EPC1: variants seen among roughly 807,000 people sequenced by gnomAD.
EPC1 encodes the protein enhancer of polycomb 1.
EPC1 carries 12 observed loss-of-function variants against 98.4 expected under a neutral mutation model. That is an observed-to-expected ratio of 0.12 (90% CI 0.08 to 0.20). EPC1 has a LOEUF of 0.20. Ranked by LOEUF, EPC1 falls within the 10% of genes least tolerant of loss-of-function variation. EPC1 has a pLI of 1.00. For missense variants in EPC1, 729 were observed against 990.5 expected, an observed-to-expected ratio of 0.74 and a Z score of 3.54; for synonymous variants, 357 against 363.9, an observed-to-expected ratio of 0.98 and a Z score of 0.21.
intron 10 of EPC1, among the ~76,000 whole-genome samples, chr10:32,280,606 G>A (rs1836360090): frequency 6.6e-6 from 1 of 152,134 alleles, no homozygotes; most frequent in African/African-American, 2.4e-5. Flanking sequence ...AGGCATGGTG[G>A]CGGGTGCCTG....
chr10:32,271,405 GAATA>G, intron 13 of EPC1, 145 bp downstream of exon 13: 1 of 917,264 alleles, frequency 1.1e-6, no homozygotes, highest in East Asian at 2.5e-5. Flanking sequence ...TTTAGTTCTT[GAATA>G]AATAAGTGAT....
chr10:32,312,205 C>G (rs954606855), intron 1 of EPC1, among the ~76,000 whole-genome samples: 1 of 152,112 alleles, frequency 6.6e-6, no homozygotes, highest in Admixed American at 6.6e-5. Context: ...TCTTAGGGGT[C>G]GTGTCAAGGA....
intron 1 of EPC1, among the ~76,000 whole-genome samples, chr10:32,377,878 A>C (rs1839901437): frequency 6.6e-6 from 1 of 152,236 alleles, no homozygotes; most frequent in Non-Finnish European, 1.5e-5. Flanking sequence ...GAGAAAAACA[A>C]GATAGACCTG....
chr10:32,354,199 G>A (rs1402849661), intron 1 of EPC1, among the ~76,000 whole-genome samples: 2 of 152,106 alleles, frequency 1.3e-5, no homozygotes, highest in Non-Finnish European at 2.9e-5. Context: ...TTAGCAAACA[G>A]TAGCAGGATG....
intron 1 of EPC1, among the ~76,000 whole-genome samples, chr10:32,313,394 G>A (rs967050353): frequency 6.6e-6 from 1 of 152,060 alleles, no homozygotes; most frequent in Admixed American, 6.6e-5. Context: ...CACTGCAGAG[G>A]TTACACTCTA....
chr10:32,333,326 C>T (rs112708176), intron 1 of EPC1, among the ~76,000 whole-genome samples: 48 of 152,196 alleles, frequency 3.2e-4, no homozygotes, highest in African/African-American at 9.6e-4. Context: ...AGTGAGACTT[C>T]GTCTCAAAAA....
intron 1 of EPC1, among the ~76,000 whole-genome samples, chr10:32,333,895 A>T (rs1360441278): frequency 6.6e-5 from 10 of 152,260 alleles, no homozygotes; most frequent in Non-Finnish European, 1.3e-4. Flanking sequence ...ACAAAGTTTT[A>T]AAAAATACTT....
chr10:32,276,782 C>T (rs560956084), intron 10 of EPC1, among the ~76,000 whole-genome samples: 1 of 152,302 alleles, frequency 6.6e-6, no homozygotes, highest in Non-Finnish European at 1.5e-5. Context: ...ACCATGCTCA[C>T]CCTCTCTAAA....
At chr10:32,352,240 G>A in intron 1 of EPC1, among the ~76,000 whole-genome samples, 1 of 150,072 alleles carries the variant, frequency 6.7e-6, no homozygotes, top group East Asian at 2.0e-4. Context: ...GTAGAGATGG[G>A]GTTTCACTGT....
At chr10:32,331,725 CAT>C (rs939935157) in intron 1 of EPC1, among the ~76,000 whole-genome samples, 39 of 152,314 alleles carry the variant, frequency 2.6e-4, no homozygotes, top group Admixed American at 2.4e-3. Context: ...CAAGATAAGA[CAT>C]GTTTGTAAAT....
rs988246422 is a variant in EPC1, at chr10:32,286,828, T to C, written c.1257A>G (p.Gln419=). 2.5e-6 allele frequency: 4 copies of C among 1,613,648 alleles called. No individual in the cohort carries two copies. Among genetic ancestry groups the C allele is most frequent in the Admixed American group, 3.3e-5 (2 of 59,878 alleles). The change falls in exon 9 of 14, where the codon CAA becomes CAG. Residue 419 remains glutamine, a synonymous_variant. Transcript: ENST00000319778. ...GACTAGTCCAAGGCCAGTTGCCAGT[T>C]TGGTCTAAGTGAGGCTTAAAAAAAA... The part of the protein sequence containing the change: ...GCQYYAPHLD[Q]TGNWPWTSPK...
chr10:32,335,290 T>A (rs1380806105), intron 1 of EPC1, among the ~76,000 whole-genome samples: 1 of 152,160 alleles, frequency 6.6e-6, no homozygotes, highest in Non-Finnish European at 1.5e-5. Flanking sequence ...CTAATCTCAG[T>A]GTCTCCTAAT....
chr10:32,283,483 A>AT (rs1176402687), intron 10 of EPC1: 8 of 152,064 alleles, frequency 5.3e-5, no homozygotes, highest in Non-Finnish European at 7.3e-5. Flanking sequence ...GAATTTCTGC[A>AT]TTTTTTGTAG....
intron 9 of EPC1, 195 bp from the exon 10 acceptor site, chr10:32,285,245 A>T: frequency 2.1e-6 from 1 of 467,536 alleles, no homozygotes; most frequent in Non-Finnish European, 3.7e-6. Context: ...CTTTTAACAA[A>T]TTGTTTTTCA....
Position 32,286,746 on chromosome 10 carries a change from C to T in EPC1, c.1339G>A (p.Val447Ile), listed in dbSNP as rs62619977. 7,697 of 1,614,030 alleles carry T rather than the reference C, an allele frequency of 4.8e-3. 32 individuals are homozygous for T. The highest frequency in any genetic ancestry group is 5.9e-3 in the Non-Finnish European group (6,948 of 1,179,986). The stretch of plus-strand genomic sequence containing the variant: ...GCAAATCCAATACACCTTTGGGGTA[C>T]GGTGAGAGTAGTTAAGCAGTATCTA... Reference protein sequence around the residue: ...RYRYCLTTLTVPQRCIGFARR... With the variant: ...RYRYCLTTLTIPQRCIGFARR... Residue 447 changes from valine to isoleucine, a missense_variant, in exon 9 of 14, where the codon GTA becomes ATA. Around this residue, in one of 6 missense-constraint regions of EPC1, gnomAD observed 390 missense variants for 438.6 expected, o/e 0.89. Transcript: ENST00000319778.
chr10:32,374,342 CA>C (rs1564571160), intron 1 of EPC1: 1 of 151,878 alleles, frequency 6.6e-6, no homozygotes, highest in African/African-American at 2.4e-5. Flanking sequence ...ACACCGTGAA[CA>C]AAATGTGCAA....
intron 9 of EPC1, 76 bp from the exon 10 acceptor site, chr10:32,285,126 A>AC (rs1438081894): frequency 4.2e-6 from 5 of 1,197,774 alleles, no homozygotes; most frequent in Non-Finnish European, 5.8e-6. Context: ...TTTTCTTTTT[A>AC]CCCCCAACTG....
chr10:32,271,637 T>C lies in EPC1; in HGVS notation c.2286A>G (p.Pro762=), dbSNP rs367547646. ...CAGCGGCCAGCTTTAAGGCAGATGATGGAACAGCACTTAAAGTCCTAGGTA... is the reference window on the plus strand; with the variant it reads ...CAGCGGCCAGCTTTAAGGCAGATGACGGAACAGCACTTAAAGTCCTAGGTA... ...RHIPRTLSAV[P]SSALKLAAAA... Residue 762 remains proline, a synonymous_variant, in exon 13 of 14, where the codon CCA becomes CCG. Transcript: ENST00000319778. 12 of 1,614,080 alleles carry C rather than the reference T, an allele frequency of 7.4e-6. No homozygotes were observed. In the African/African-American group the frequency reaches 8.0e-5, roughly 11 times the overall value.
intron 13 of EPC1, 163 bp from the exon 14 acceptor site, chr10:32,269,298 C>G: frequency 3.5e-6 from 2 of 567,490 alleles, no homozygotes; most frequent in Admixed American, 3.1e-5. Flanking sequence ...AGTTTATTAT[C>G]AGAAATCAGG....
Sources: gnomAD v4.1 joint callset for allele counts (sites outside exome capture counted in the v4.1 genomes callset) on GRCh38, gnomAD v4.1.1 for gene constraint, gnomAD v4.1.1 regional missense constraint, MANE v1.5 for transcripts, NCBI Gene and HGNC (gene_info 2026-07-23, HGNC 2026-07-21) for gene names.